DCLK1: variants seen among roughly 807,000 people sequenced by gnomAD.
DCLK1 encodes serine/threonine-protein kinase DCLK1.
Under a neutral mutation model 86.2 loss-of-function variants are expected in DCLK1, and 16 were observed. The ratio of observed to expected loss-of-function variants is 0.19; its 90% CI spans 0.13 to 0.28. The LOEUF is 0.28. Ranked by LOEUF, DCLK1 falls within the 10% of genes least tolerant of loss-of-function variation. The pLI, the probability that DCLK1 is intolerant of heterozygous loss-of-function variation, is 1.00. For missense variants in DCLK1, 590 were observed against 940.2 expected (o/e 0.63, Z 4.87); for synonymous variants, 369 against 370.5 (o/e 1.00, Z 0.05).
At chr13:35,957,562 CA>C (rs1878058747) in intron 3 of DCLK1, among the ~76,000 whole-genome samples, 1 of 152,054 alleles carries the variant, frequency 6.6e-6, no homozygotes, top group African/African-American at 2.4e-5. Flanking sequence ...TTATAAGTAT[CA>C]AAAGTATTGG....
intron 5 of DCLK1, among the ~76,000 whole-genome samples, chr13:35,863,611 C>T (rs1320193165): frequency 1.3e-5 from 2 of 152,166 alleles, no homozygotes; most frequent in African/African-American, 2.4e-5. Context: ...ACCAACCTCT[C>T]GATTTTCTTG....
intron 4 of DCLK1, among the ~76,000 whole-genome samples, chr13:35,939,217 C>T (rs1372699360): frequency 1.3e-5 from 2 of 152,080 alleles, no homozygotes; most frequent in African/African-American, 2.4e-5. Context: ...CCAATGTGCC[C>T]TGTATTCGGA....
Position 35,914,040 on chromosome 13 carries a change from G to GGGCACGAT in DCLK1, c.823+33310_823+33317dup, listed in dbSNP as rs1875214136. On this transcript the variant is annotated intron_variant, in intron 4 of 16. Coordinates refer to ENST00000360631, the MANE Select transcript of DCLK1 (RefSeq NM_001330071.2). ...GGAAATAAAAAGATATATTAGGGCTGGGCACGATGGCTCATGCCTGTAGTC... is the reference window on the plus strand; with the variant it reads ...GGAAATAAAAAGATATATTAGGGCTGGGCACGATGGCACGATGGCTCATGCCTGTAGTC... Among the ~76,000 whole-genome samples the GGGCACGAT allele has an allele frequency of 3.9e-5, 6 of 152,038 alleles. No individual in the cohort carries two copies. The South Asian group carries it at 1.2e-3, about 31-fold the overall frequency.
At chr13:35,842,986 G>A (rs1353868176) in intron 6 of DCLK1, among the ~76,000 whole-genome samples, 4 of 152,140 alleles carry the variant, frequency 2.6e-5, no homozygotes, top group Non-Finnish European at 4.4e-5. Context: ...AAAGGATTTC[G>A]AACATAGTAA....
chr13:35,861,193 G>T (rs1415212502), intron 5 of DCLK1, among the ~76,000 whole-genome samples: 1 of 152,186 alleles, frequency 6.6e-6, no homozygotes, highest in Non-Finnish European at 1.5e-5. Flanking sequence ...CCCACTGAGT[G>T]TGGACAGGGT....
Position 35,774,609 on chromosome 13 carries a change from C to G in DCLK1, c.2149G>C (p.Glu717Gln), listed in dbSNP as rs1054706373. The stretch of plus-strand genomic sequence containing the variant: ...TAGTCTTCCGATTCCGAGTTGAGTT[C>G]GGGAGGAGCTGGCTGCGCCTTGTAC... Reference protein sequence around the residue: ...SRYKAQPAPPELNSESEDYSP... With the variant: ...SRYKAQPAPPQLNSESEDYSP... Residue 717 changes from glutamate (E) to glutamine (Q), a missense_variant, in exon 17 of 17, where the codon GAA (glutamate) becomes CAA (glutamine). Around this residue, in one of 6 missense-constraint regions of DCLK1, gnomAD observed 146 missense variants for 190.2 expected, o/e 0.77. Transcript: ENST00000360631. The G allele has an allele frequency of 6.3e-7, 1 of 1,596,018 alleles. No individual in the cohort carries two copies. The highest frequency in any genetic ancestry group is 1.3e-5 in the African/African-American group (1 of 74,564).
chr13:36,122,950 C>A (rs956814066), intron 2 of DCLK1, among the ~76,000 whole-genome samples: 3 of 152,234 alleles, frequency 2.0e-5, no homozygotes, highest in African/African-American at 7.2e-5. Flanking sequence ...TAGATAAAAA[C>A]AAAACAGTGA....
At chr13:35,957,225 T>G (rs1037286630) in intron 3 of DCLK1, among the ~76,000 whole-genome samples, 5 of 152,116 alleles carry the variant, frequency 3.3e-5, no homozygotes, top group Admixed American at 2.0e-4. Context: ...CAGATAAAGT[T>G]ACAAAAGTCA....
intron 16 of DCLK1, among the ~76,000 whole-genome samples, chr13:35,781,509 G>A (rs1042599050): frequency 7.2e-5 from 11 of 152,126 alleles, no homozygotes; most frequent in African/African-American, 2.4e-4. Context: ...TTTCTGTTCC[G>A]CAATGCTTGC....
chr13:36,043,923 A>C (rs1882783995), intron 3 of DCLK1, among the ~76,000 whole-genome samples: 2 of 152,216 alleles, frequency 1.3e-5, no homozygotes, highest in Non-Finnish European at 2.9e-5. Flanking sequence ...AAGTAGTAAA[A>C]GCCAAAAGGA....
chr13:35,930,607 C>T (rs868459425), intron 4 of DCLK1, among the ~76,000 whole-genome samples: 31 of 151,172 alleles, frequency 2.1e-4, no homozygotes, highest in African/African-American at 7.1e-4. Context: ...CTCAAACAAA[C>T]AAACAAACAA....
chr13:35,983,740 TG>T (rs1879772093), intron 3 of DCLK1, among the ~76,000 whole-genome samples: 1 of 152,220 alleles, frequency 6.6e-6, no homozygotes. Flanking sequence ...ATACACCTAC[TG>T]TGTACCCAAA....
At chr13:35,922,103 T>C (rs1307245569) in intron 4 of DCLK1, among the ~76,000 whole-genome samples, 1 of 152,178 alleles carries the variant, frequency 6.6e-6, no homozygotes, top group Non-Finnish European at 1.5e-5. Flanking sequence ...GCGGTTTTTG[T>C]TTACTTTTTA....
chr13:36,030,704 ATAT>A (rs1172249177), intron 3 of DCLK1, among the ~76,000 whole-genome samples: 1 of 152,130 alleles, frequency 6.6e-6, no homozygotes, highest in Non-Finnish European at 1.5e-5. Context: ...CTAAAAATAA[ATAT>A]TATACTCAAA....
intron 2 of DCLK1, among the ~76,000 whole-genome samples, chr13:36,114,848 T>C (rs765156738): frequency 5.9e-5 from 9 of 152,238 alleles, no homozygotes; most frequent in Non-Finnish European, 8.8e-5. Flanking sequence ...GAAGAATACA[T>C]AGTTTTGATT....
At chr13:36,130,531 CT>C (rs530273112) in intron 1 of DCLK1, among the ~76,000 whole-genome samples, 124 of 152,278 alleles carry the variant, frequency 8.1e-4, no homozygotes, top group African/African-American at 2.9e-3. Flanking sequence ...TCTCCGCAAG[CT>C]TTTAGCACTG....
At chr13:35,957,982 A>AACCACC (rs1337330365) in intron 3 of DCLK1, among the ~76,000 whole-genome samples, 2 of 149,484 alleles carry the variant, frequency 1.3e-5, no homozygotes, top group Non-Finnish European at 3.0e-5. Context: ...TCACTGCTAT[A>AACCACC]ACCACCACCA....
At chr13:36,046,843 G>A (rs143275173) in intron 3 of DCLK1, among the ~76,000 whole-genome samples, 1 of 152,300 alleles carries the variant, frequency 6.6e-6, no homozygotes, top group Admixed American at 6.5e-5. Flanking sequence ...GGCCAGCACT[G>A]GTGGCCAAGT....
At chr13:36,043,879 T>C (rs902821658) in intron 3 of DCLK1, among the ~76,000 whole-genome samples, 3 of 152,144 alleles carry the variant, frequency 2.0e-5, no homozygotes, top group African/African-American at 7.2e-5. Context: ...GAGAAACTCT[T>C]CCAAAAAATG....
Sources: allele counts gnomAD v4.1 joint callset (sites outside exome capture counted in the v4.1 genomes callset), GRCh38; gene constraint gnomAD v4.1.1; regional missense constraint gnomAD v4.1.1; transcripts MANE v1.5; gene names NCBI Gene and HGNC (gene_info 2026-07-23, HGNC 2026-07-21).